TENM2: variants seen among roughly 807,000 people sequenced by gnomAD.
TENM2 encodes the protein teneurin transmembrane protein 2.
A neutral mutation model predicts 245.2 loss-of-function variants in TENM2; 52 were observed. The ratio of observed to expected loss-of-function variants is 0.21; its 90% CI spans 0.17 to 0.27. The LOEUF (loss-of-function observed/expected upper bound fraction) is 0.27, where lower values mean the gene tolerates loss of function less well. TENM2 is among the 10% of genes least tolerant of loss of function. The probability of loss-of-function intolerance (pLI) is 1.00; values close to 1 mark genes in which losing one functional copy is unlikely to be tolerated. For missense variants in TENM2, 3,046 were observed against 3,666.8 expected (o/e 0.83, Z 4.37); for synonymous variants, 1,363 against 1,438.9 (o/e 0.95, Z 1.19).
chr5:167,180,439 C>T, the TENM2 span, among the ~76,000 whole-genome samples: 1 of 152,030 alleles, frequency 6.6e-6, no homozygotes, highest in Non-Finnish European at 1.5e-5. Context: ...TCATTCTTCC[C>T]GGAGAAAGAA....
intron 2 of TENM2, among the ~76,000 whole-genome samples, chr5:167,398,308 A>G (rs1935467070): frequency 6.6e-6 from 1 of 152,054 alleles, no homozygotes; most frequent in Non-Finnish European, 1.5e-5. Context: ...CAAAATGTGG[A>G]TAATAATTGT....
the TENM2 span, among the ~76,000 whole-genome samples, chr5:166,981,893 C>T: frequency 6.6e-6 from 1 of 152,010 alleles, no homozygotes; most frequent in Non-Finnish European, 1.5e-5. Context: ...GGTTAGATTA[C>T]TATTCAAACA....
chr5:167,760,942 C>T, intron 2 of TENM2, among the ~76,000 whole-genome samples: 1 of 152,128 alleles, frequency 6.6e-6, no homozygotes. Context: ...TGAGCCACCG[C>T]ACCTGGCCTT....
intron 1 of TENM2, among the ~76,000 whole-genome samples, chr5:167,350,628 T>TATATATATATGGGTTACATATATGG (rs1561883400): frequency 1.2e-4 from 7 of 60,430 alleles, no homozygotes; most frequent in East Asian, 4.3e-4. Context: ...CATATGTGGA[T>TATATATATATGGGTTACATATATGG]ATATATATAT....
intron 3 of TENM2, among the ~76,000 whole-genome samples, chr5:167,898,686 C>G (rs979458436): frequency 3.3e-5 from 5 of 152,248 alleles, no homozygotes; most frequent in South Asian, 2.1e-4. Flanking sequence ...TTAAGGAGAA[C>G]CTTGCCTAAG....
intron 1 of TENM2, among the ~76,000 whole-genome samples, chr5:167,348,237 A>G (rs1455936279): frequency 6.6e-6 from 1 of 152,222 alleles, no homozygotes; most frequent in African/African-American, 2.4e-5. Flanking sequence ...AACGAATTGC[A>G]GCTCTGTTTG....
At chr5:167,059,477 G>T in the TENM2 span, among the ~76,000 whole-genome samples, 1 of 152,130 alleles carries the variant, frequency 6.6e-6, no homozygotes, top group East Asian at 1.9e-4. Context: ...TTGTAGTTGA[G>T]GTGCCAAATG....
At chr5:168,042,132 A>G (rs543421713) in intron 5 of TENM2, among the ~76,000 whole-genome samples, 18 of 152,160 alleles carry the variant, frequency 1.2e-4, no homozygotes, top group Admixed American at 9.2e-4. Context: ...TCTCTGAATG[A>G]GCTCTGCCAT....
chr5:167,582,749 G>A (rs1477507853), intron 2 of TENM2, among the ~76,000 whole-genome samples: 2 of 152,082 alleles, frequency 1.3e-5, no homozygotes, highest in Non-Finnish European at 2.9e-5. Flanking sequence ...TTCTCCAGAA[G>A]CTTTTTTGAG....
chr5:167,047,195 C>A, the TENM2 span, among the ~76,000 whole-genome samples: 1 of 152,218 alleles, frequency 6.6e-6, no homozygotes, highest in Non-Finnish European at 1.5e-5. Context: ...GAATATTCTT[C>A]TTACAAGTAA....
At position 167,640,819 on chromosome 5, in the gene TENM2, A is replaced by G. The variant is rs1314781667; in HGVS notation, c.503-235167A>G. The stretch of plus-strand genomic sequence containing the variant: ...TACCTATAGAGAAATAGAAACAAAA[A>G]TAGAAATAGAAATATATATATCCAT... On this transcript the variant is annotated intron_variant, in intron 2 of 28. Coordinates refer to ENST00000518659, the Ensembl canonical transcript of TENM2. Among the ~76,000 whole-genome samples the G allele has an allele frequency of 3.7e-5, 5 of 136,512 alleles. No individual in the cohort carries two copies. In the Admixed American group the frequency reaches 3.8e-4, roughly 10 times the overall value. The allele number at this position is 136,512 out of a possible 152,430, so 89.6% of individuals were successfully genotyped here. A position where few individuals can be genotyped will look rare whatever the true frequency, so the allele number is the denominator to read the frequency against.
chr5:167,743,494 T>TTAAA (rs1486422778), intron 2 of TENM2, among the ~76,000 whole-genome samples: 2 of 152,152 alleles, frequency 1.3e-5, no homozygotes, highest in Non-Finnish European at 2.9e-5. Context: ...TATCAAACAA[T>TTAAA]TAAATAAATA....
At chr5:167,199,161 A>T in the TENM2 span, among the ~76,000 whole-genome samples, 2 of 152,044 alleles carry the variant, frequency 1.3e-5, no homozygotes, top group East Asian at 3.9e-4. Flanking sequence ...CTGCCTATAA[A>T]CAAAAGAGGA....
intron 25 of TENM2, among the ~76,000 whole-genome samples, chr5:168,238,284 G>GAA (rs1479986175): frequency 6.8e-6 from 1 of 146,704 alleles, no homozygotes; most frequent in Admixed American, 6.8e-5. Flanking sequence ...GAAAAGAAAA[G>GAA]AAAAGAAAAG....
intron 3 of TENM2, among the ~76,000 whole-genome samples, chr5:167,923,355 A>G (rs193139849): frequency 6.6e-6 from 1 of 151,954 alleles, no homozygotes; most frequent in East Asian, 1.9e-4. Flanking sequence ...AAGAGGTTAT[A>G]GAATGTTTTC....
At chr5:168,093,401 T>C (rs563831351) in intron 8 of TENM2, among the ~76,000 whole-genome samples, 24 of 152,280 alleles carry the variant, frequency 1.6e-4, no homozygotes, top group African/African-American at 5.1e-4. Flanking sequence ...ATGATAGTAA[T>C]TGGCCTGAAA....
At chr5:167,804,776 T>G (rs1766028959) in intron 2 of TENM2, among the ~76,000 whole-genome samples, 1 of 152,110 alleles carries the variant, frequency 6.6e-6, no homozygotes, top group Admixed American at 6.6e-5. Flanking sequence ...ACAGCTTAAT[T>G]GTCAGAGGTC....
intron 28 of TENM2, 109 bp from the exon 31 acceptor site, chr5:168,261,940 C>A (rs1004327201): frequency 9.2e-7 from 1 of 1,092,278 alleles, no homozygotes; most frequent in Admixed American, 2.4e-5. Context: ...TCTGGATAGA[C>A]CCAACACTAG....
At chr5:167,776,624 A>AAAAAAAAAAAAAAC (rs1561769493) in intron 2 of TENM2, among the ~76,000 whole-genome samples, 2 of 61,266 alleles carry the variant, frequency 3.3e-5, no homozygotes, top group African/African-American at 1.5e-4. Flanking sequence ...AAAAAAAAAA[A>AAAAAAAAAAAAAAC]AACCATATAT....
Sources: gnomAD v4.1 joint callset for allele counts (sites outside exome capture counted in the v4.1 genomes callset) on GRCh38, gnomAD v4.1.1 for gene constraint, MANE v1.5 for transcripts, NCBI Gene and HGNC (gene_info 2026-07-23, HGNC 2026-07-21) for gene names.